AKAP6: variants seen among roughly 807,000 people sequenced by gnomAD.
AKAP6 encodes the protein A-kinase anchoring protein 6, also known as A-kinase anchor protein 6.
In AKAP6, 58 loss-of-function variants were observed where a neutral mutation model predicts 188.5. The ratio of observed to expected loss-of-function variants is 0.31; its 90% confidence interval spans 0.25 to 0.38. AKAP6 has a LOEUF of 0.38. Among genes scored for constraint, AKAP6 ranks in the 10% least tolerant of loss-of-function variants. The pLI is 1.00. For synonymous variants in AKAP6, 989 were observed against 998.6 expected (o/e 0.99, Z 0.18); for missense variants, 2,710 against 2,740.0 (o/e 0.99, Z 0.24).
At chr14:32,509,096 G>A (rs1367963334) in intron 2 of AKAP6, among the ~76,000 whole-genome samples, 1 of 144,102 alleles carries the variant, frequency 6.9e-6, no homozygotes, top group Non-Finnish European at 1.5e-5. Context: ...TGAGATTACA[G>A]GCGTAAGCCA....
At chr14:32,384,468 T>C (rs1375216543) in intron 1 of AKAP6, among the ~76,000 whole-genome samples, 1 of 152,176 alleles carries the variant, frequency 6.6e-6, no homozygotes, top group Non-Finnish European at 1.5e-5. Context: ...AAGCAAAGGA[T>C]AGCTGATAAT....
At chr14:32,533,470 A>G (rs2139107693) in intron 2 of AKAP6, among the ~76,000 whole-genome samples, 1 of 152,250 alleles carries the variant, frequency 6.6e-6, no homozygotes, top group Non-Finnish European at 1.5e-5. Context: ...CAACAGGGGA[A>G]GTGGGATTCT....
At chr14:32,596,249 C>A (rs1885699093) in intron 5 of AKAP6, among the ~76,000 whole-genome samples, 1 of 152,094 alleles carries the variant, frequency 6.6e-6, no homozygotes, top group Admixed American at 6.5e-5. Context: ...GGTTTTATGT[C>A]CACATGACTA....
chr14:32,655,376 C>T (rs896906893), intron 7 of AKAP6, among the ~76,000 whole-genome samples: 2 of 152,136 alleles, frequency 1.3e-5, no homozygotes, highest in Non-Finnish European at 2.9e-5. Context: ...TATATTTGAA[C>T]AATTTATTAT....
intron 1 of AKAP6, among the ~76,000 whole-genome samples, chr14:32,365,024 G>A (rs1887786348): frequency 1.3e-5 from 2 of 152,132 alleles, no homozygotes; most frequent in South Asian, 4.1e-4. Flanking sequence ...GACACTCAAG[G>A]AGTCTAAGCT....
At chr14:32,404,573 T>A (rs1398162805) in intron 1 of AKAP6, among the ~76,000 whole-genome samples, 1 of 150,846 alleles carries the variant, frequency 6.6e-6, no homozygotes, top group Non-Finnish European at 1.5e-5. Flanking sequence ...ACTGCTCCAT[T>A]TCCATGATCC....
rs1269118190 is a variant in AKAP6 at position 32,559,781 on chromosome 14, ATC to A, written c.2346+12784_2346+12785del. 4.2e-3 allele frequency among the ~76,000 whole-genome samples: 552 copies of A among 131,644 alleles called. 8 individuals carry two copies. The highest frequency in any genetic ancestry group is 0.017 in the African/African-American group (501 of 28,906). The allele number at this position is 131,644 out of a possible 152,430, so 86.4% of individuals were successfully genotyped here. A position where few individuals can be genotyped will look rare whatever the true frequency, so the allele number is the denominator to read the frequency against. On this transcript the variant is annotated intron_variant, in intron 4 of 13. Coordinates refer to ENST00000280979, the MANE Select transcript of AKAP6 (RefSeq NM_004274.5). ...GTTGGGAGGTAGTCCTCTAAGCCTAATCTTTTTTTTTTTTTTTTTTTTTAAGG... is the reference window on the plus strand; with the variant it reads ...GTTGGGAGGTAGTCCTCTAAGCCTAATTTTTTTTTTTTTTTTTTTTTAAGG...
chr14:32,431,903 T>G (rs1258420370), intron 1 of AKAP6, among the ~76,000 whole-genome samples: 2 of 152,208 alleles, frequency 1.3e-5, no homozygotes, highest in Non-Finnish European at 2.9e-5. Context: ...TGAAAAAATA[T>G]GTCATAGGAG....
intron 11 of AKAP6, among the ~76,000 whole-genome samples, 200 bp downstream of exon 11, chr14:32,736,082 A>G (rs188179596): frequency 1.3e-5 from 2 of 152,272 alleles, no homozygotes; most frequent in East Asian, 3.9e-4. Context: ...TCACATATAC[A>G]TTGTAGAGGG....
intron 4 of AKAP6, among the ~76,000 whole-genome samples, chr14:32,576,131 T>A (rs184896597): frequency 4.1e-4 from 63 of 152,328 alleles, no homozygotes; most frequent in Non-Finnish European, 7.4e-4. Flanking sequence ...TCCACTTCAG[T>A]GTCAGGACAT....
chr14:32,379,182 A>G (rs1888261249), intron 1 of AKAP6, among the ~76,000 whole-genome samples: 1 of 152,122 alleles, frequency 6.6e-6, no homozygotes, highest in Admixed American at 6.5e-5. Context: ...GGCCTCCCAA[A>G]GTGCTGAGAT....
chr14:32,712,632 A>G (rs1202413602), intron 9 of AKAP6, among the ~76,000 whole-genome samples: 1 of 152,128 alleles, frequency 6.6e-6, no homozygotes, highest in African/African-American at 2.4e-5. Context: ...AGTAAATTCC[A>G]TCTCAAGAAA....
At chr14:32,741,028 T>TC (rs1331273822) in intron 11 of AKAP6, among the ~76,000 whole-genome samples, 1 of 151,304 alleles carries the variant, frequency 6.6e-6, no homozygotes, top group Non-Finnish European at 1.5e-5. Flanking sequence ...CTTTTTTTTT[T>TC]TTTGTGTGTG....
At position 32,370,467 on chromosome 14, in the gene AKAP6, G is replaced by A. The variant is rs539853250; in HGVS notation, c.-35+41059G>A. Among the ~76,000 whole-genome samples the A allele has an allele frequency of 1.1e-4, 17 of 152,278 alleles. No individual in the cohort carries two copies. In the South Asian group the frequency reaches 3.3e-3, roughly 30 times the overall value. On this transcript the variant is annotated intron_variant, in intron 1 of 13. Coordinates refer to ENST00000280979, the MANE Select transcript of AKAP6 (RefSeq NM_004274.5). ...TACCAGAAGTGAACACAAATAATGA[G>A]GGAGTTTGATTCCCTACAAACCAGA...
At chr14:32,768,073 T>G (rs2032773006) in intron 11 of AKAP6, among the ~76,000 whole-genome samples, 3 of 152,204 alleles carry the variant, frequency 2.0e-5, no homozygotes, top group African/African-American at 7.2e-5. Context: ...GTTTGGCACA[T>G]AAATGGTGCC....
At chr14:32,786,246 T>TA (rs1171608390) in intron 12 of AKAP6, among the ~76,000 whole-genome samples, 1 of 150,232 alleles carries the variant, frequency 6.7e-6, no homozygotes, top group Non-Finnish European at 1.5e-5. Flanking sequence ...TATACATCTG[T>TA]AAAATACTCA....
At chr14:32,594,877 A>G (rs951316479) in intron 5 of AKAP6, among the ~76,000 whole-genome samples, 2 of 152,212 alleles carry the variant, frequency 1.3e-5, no homozygotes, top group Non-Finnish European at 2.9e-5. Flanking sequence ...CAGTGGGAGT[A>G]AAAGTTCATC....
At chr14:32,509,700 G>A (rs921459723) in intron 2 of AKAP6, among the ~76,000 whole-genome samples, 1 of 152,074 alleles carries the variant, frequency 6.6e-6, no homozygotes, top group African/African-American at 2.4e-5. Context: ...GGTGGCTCCA[G>A]GACACCAGTC....
At chr14:32,692,146 G>C (rs1459482586) in intron 8 of AKAP6, among the ~76,000 whole-genome samples, 12 of 152,138 alleles carry the variant, frequency 7.9e-5, no homozygotes, top group Non-Finnish European at 1.5e-5. Flanking sequence ...AACTAGACTG[G>C]ATAAAGGGTG....
Sources: gnomAD v4.1 joint callset for allele counts (sites outside exome capture counted in the v4.1 genomes callset) on GRCh38, gnomAD v4.1.1 for gene constraint, MANE v1.5 for transcripts, NCBI Gene and HGNC (gene_info 2026-07-23, HGNC 2026-07-21) for gene names.